PCDHA6: variants seen among roughly 807,000 people sequenced by gnomAD.
The protein encoded by PCDHA6 is protocadherin alpha-6.
A neutral mutation model predicts 60.3 loss-of-function variants in PCDHA6; 55 were observed. The observed-to-expected ratio is 0.91, with a 90% CI of 0.73 to 1.14. PCDHA6 has a LOEUF of 1.14. Among genes scored for constraint, PCDHA6 ranks in the 50% most tolerant of loss-of-function variants. PCDHA6 has a pLI of 0.00. For missense variants in PCDHA6, 1,327 were observed against 1,256.5 expected (o/e 1.06, Z -0.85); for synonymous variants, 652 against 557.9 (o/e 1.17, Z -2.38).
chr5:140,857,185 A>T (rs782245615), intron 1 of PCDHA6: 1 of 1,598,506 alleles, frequency 6.3e-7, no homozygotes, highest in South Asian at 1.1e-5. Flanking sequence ...ATGATTCAGG[A>T]GCCAACGGAC....
intron 1 of PCDHA6, among the ~76,000 whole-genome samples, chr5:140,965,342 G>T (rs2095891598): frequency 6.6e-6 from 1 of 152,130 alleles, no homozygotes; most frequent in South Asian, 2.1e-4. Context: ...TTGTCTCTGT[G>T]TTGCCTCTAT....
intron 1 of PCDHA6, among the ~76,000 whole-genome samples, chr5:140,833,122 G>T (rs1772311548): frequency 6.6e-6 from 1 of 152,190 alleles, no homozygotes; most frequent in Non-Finnish European, 1.5e-5. Context: ...AAAGTCATTT[G>T]AAAGCTGTCA....
At chr5:140,996,355 G>A (rs1164124431) in intron 3 of PCDHA6, among the ~76,000 whole-genome samples, 1 of 152,218 alleles carries the variant, frequency 6.6e-6, no homozygotes, top group Non-Finnish European at 1.5e-5. Flanking sequence ...ACCAAAGTCA[G>A]AAGCCATTTT....
chr5:140,849,738 C>T (rs1562459111), intron 1 of PCDHA6: 4 of 1,598,360 alleles, frequency 2.5e-6, no homozygotes, highest in East Asian at 2.2e-5. Flanking sequence ...AGCTCTGGAC[C>T]GCGAGAGTGT....
chr5:140,852,151 C>T, intron 1 of PCDHA6: 1 of 861,106 alleles, frequency 1.2e-6, no homozygotes, highest in Non-Finnish European at 1.4e-6. Context: ...ATCAGAATGG[C>T]CTTGAGAATA....
At chr5:140,868,859 A>G (rs2050687281) in intron 1 of PCDHA6, 1 of 502,518 alleles carries the variant, frequency 2.0e-6, no homozygotes, top group African/African-American at 1.9e-5. Context: ...TGTGGTGGTA[A>G]ATGCAGTGCA....
chr5:140,850,540 C>T, intron 1 of PCDHA6: 1 of 1,598,246 alleles, frequency 6.3e-7, no homozygotes, highest in Non-Finnish European at 8.6e-7. Flanking sequence ...TCGTCGCGGG[C>T]GTCAGTGGGT....
intron 1 of PCDHA6, among the ~76,000 whole-genome samples, chr5:140,974,459 C>G (rs59098360): frequency 0.013 from 1,989 of 152,274 alleles, 54 homozygotes; most frequent in African/African-American, 0.046. Flanking sequence ...TGACTACATT[C>G]AGAGGAAAGT....
chr5:140,838,117 TGTG>T (rs1554136891), intron 1 of PCDHA6, among the ~76,000 whole-genome samples: 5 of 149,868 alleles, frequency 3.3e-5, no homozygotes, highest in Non-Finnish European at 7.4e-5. Flanking sequence ...TGTGTGTGTG[TGTG>T]TGTGTGTGTG....
chr5:140,911,444 C>T (rs13161603), intron 1 of PCDHA6, among the ~76,000 whole-genome samples: 2,752 of 152,248 alleles, frequency 0.018, 47 homozygotes, highest in South Asian at 0.1. Context: ...CCCGCAATTT[C>T]AGCTCTTTCT....
intron 1 of PCDHA6, chr5:140,929,010 G>C (rs1554206575): frequency 6.2e-7 from 1 of 1,614,128 alleles, no homozygotes; most frequent in Non-Finnish European, 8.5e-7. Flanking sequence ...TGTGTACCAA[G>C]TTGCACCAGA....
intron 1 of PCDHA6, among the ~76,000 whole-genome samples, chr5:140,906,601 A>G (rs1337843589): frequency 6.6e-6 from 1 of 152,156 alleles, no homozygotes; most frequent in Non-Finnish European, 1.5e-5. Flanking sequence ...TCTACTACTC[A>G]TTCTGTATTC....
intron 1 of PCDHA6, among the ~76,000 whole-genome samples, chr5:140,888,361 C>G (rs1445087911): frequency 2.0e-5 from 3 of 152,156 alleles, no homozygotes; most frequent in Non-Finnish European, 4.4e-5. Flanking sequence ...CTACTGGCAT[C>G]TAATAATGGA....
At chr5:140,883,121 G>C in intron 1 of PCDHA6, 12 of 1,614,070 alleles carry the variant, frequency 7.4e-6, no homozygotes, top group Non-Finnish European at 1.0e-5. Context: ...TAGAAGGCCT[G>C]TATGGCCTGC....
chr5:140,923,804 A>G (rs782008903), intron 1 of PCDHA6, among the ~76,000 whole-genome samples: 30 of 152,222 alleles, frequency 2.0e-4, no homozygotes, highest in Admixed American at 3.9e-4. Flanking sequence ...CACAAATGAA[A>G]TCTTCTGAAA....
At chr5:140,899,222 A>T (rs1377710696) in intron 1 of PCDHA6, among the ~76,000 whole-genome samples, 2 of 152,012 alleles carry the variant, frequency 1.3e-5, no homozygotes, top group Non-Finnish European at 2.9e-5. Context: ...AACTTCCAAC[A>T]CTATGTTGAA....
intron 1 of PCDHA6, among the ~76,000 whole-genome samples, chr5:140,892,032 T>C (rs1329804086): frequency 6.6e-6 from 1 of 152,222 alleles, no homozygotes; most frequent in African/African-American, 2.4e-5. Context: ...TCTAAGATAC[T>C]TTTATTTATT....
chr5:140,968,176 G>A, intron 1 of PCDHA6: 1 of 1,614,062 alleles, frequency 6.2e-7, no homozygotes, highest in Non-Finnish European at 8.5e-7. Flanking sequence ...CAAGCTTCCT[G>A]GAGGACTCCT....
intron 1 of PCDHA6, chr5:140,853,528 C>A (rs75012399): frequency 0.045 from 43,855 of 978,338 alleles, 4,320 homozygotes; most frequent in Non-Finnish European, 0.05. Flanking sequence ...CCTCCTATGT[C>A]TCTTTTCAAG....
Sources: gnomAD v4.1 joint callset for allele counts (sites outside exome capture counted in the v4.1 genomes callset) on GRCh38, gnomAD v4.1.1 for gene constraint, MANE v1.5 for transcripts, NCBI Gene and HGNC (gene_info 2026-07-23, HGNC 2026-07-21) for gene names.